ZNF33B: variants seen among roughly 807,000 people sequenced by gnomAD.
The protein encoded by ZNF33B is zinc finger protein 11b (KOX 2).
Under a neutral mutation model 45.8 loss-of-function variants are expected in ZNF33B, and 29 were observed. The ratio of observed to expected loss-of-function variants is 0.63; its 90% CI spans 0.47 to 0.86. ZNF33B has a LOEUF of 0.86. ZNF33B is among the 40% of genes least tolerant of loss of function. The pLI is 0.00. For synonymous variants in ZNF33B, 305 were observed against 307.8 expected (o/e 0.99, Z 0.10); for missense variants, 831 against 909.9 (o/e 0.91, Z 1.12).
At chr10:42,575,855 C>A (rs1443931412) in intron 1 of ZNF33B, among the ~76,000 whole-genome samples, 5 of 151,164 alleles carry the variant, frequency 3.3e-5, no homozygotes, top group East Asian at 2.0e-4. Flanking sequence ...TCAGCCTCCC[C>A]AGTAGCTGGG....
chr10:42,593,871 T>C lies in ZNF33B; in HGVS notation c.1079A>G (p.Asn360Ser), dbSNP rs755196033. The change falls in exon 5 of 5, where the codon AAT becomes AGT. Residue 360 changes from asparagine (N) to serine (S), a missense_variant. By Grantham distance (46) the Asn-to-Ser change is conservative. Transcript: ENST00000359467. ...CTCCCAGAAAGTTTTTCCACATTGA[T>C]TACATTGAAAGTGTTTCTCTCCTGT... ...VHTGEKHFQC[N>S]QCGKTFWEKS... 2 of 1,614,074 alleles carry C rather than the reference T, an allele frequency of 1.2e-6. No homozygotes were observed. Among genetic ancestry groups the C allele is most frequent in the South Asian group, 2.2e-5 (2 of 91,078 alleles).
intron 1 of ZNF33B, among the ~76,000 whole-genome samples, chr10:42,575,681 G>A (rs1459254506): frequency 6.7e-6 from 1 of 149,360 alleles, no homozygotes; most frequent in Non-Finnish European, 1.5e-5. Flanking sequence ...TGGTCGTGAA[G>A]ACATTATAAG....
At chr10:42,635,759 G>A (rs181248854) in intron 2 of ZNF33B, among the ~76,000 whole-genome samples, 88 of 147,296 alleles carry the variant, frequency 6.0e-4, no homozygotes, top group African/African-American at 1.6e-3. Context: ...GCAGTGAGCC[G>A]AGATTGCATC....
intron 2 of ZNF33B, 50 bp from the exon 3 acceptor site, chr10:42,632,489 CT>C (rs776215620): frequency 1.3e-6 from 2 of 1,575,760 alleles, no homozygotes; most frequent in Non-Finnish European, 1.7e-6. Context: ...TGGGCTAATC[CT>C]TACCATGATT....
intron 4 of ZNF33B, among the ~76,000 whole-genome samples, chr10:42,618,884 C>T (rs1432410008): frequency 6.6e-6 from 1 of 152,056 alleles, no homozygotes; most frequent in African/African-American, 2.4e-5. Context: ...ACTGGCTCTT[C>T]CTCAAATTAC....
At chr10:42,600,477 C>G (rs73266617) in intron 4 of ZNF33B, among the ~76,000 whole-genome samples, 3,077 of 152,242 alleles carry the variant, frequency 0.02, 77 homozygotes, top group African/African-American at 0.062. Flanking sequence ...CTTCATCTGG[C>G]TGTCACAGCA....
chr10:42,598,739 A>G (rs1205904002), intron 4 of ZNF33B, among the ~76,000 whole-genome samples: 1 of 152,208 alleles, frequency 6.6e-6, no homozygotes, highest in African/African-American at 2.4e-5. Context: ...CCTGCCAGGG[A>G]TTAACCACAC....
At chr10:42,586,075 C>T (rs1050363972), downstream of ZNF33B, among the ~76,000 whole-genome samples, 4 of 151,972 alleles carry the variant, frequency 2.6e-5, no homozygotes, top group South Asian at 2.1e-4. Context: ...TTTTGCTTTA[C>T]GGTTTCTCTA....
intron 1 of ZNF33B, among the ~76,000 whole-genome samples, chr10:42,637,782 A>G (rs1216079555): frequency 6.6e-6 from 1 of 151,992 alleles, no homozygotes; most frequent in Non-Finnish European, 1.5e-5. Context: ...CTGCCTCAGT[A>G]GCTGGGATTA....
chr10:42,595,134 G>A (rs1162253882), intron 4 of ZNF33B, among the ~76,000 whole-genome samples: 4 of 152,140 alleles, frequency 2.6e-5, no homozygotes, highest in African/African-American at 9.7e-5. Flanking sequence ...CTATGCAATA[G>A]ATATTCAAAT....
intron 4 of ZNF33B, among the ~76,000 whole-genome samples, chr10:42,619,336 G>A (rs1412305578): frequency 6.6e-6 from 1 of 152,114 alleles, no homozygotes; most frequent in African/African-American, 2.4e-5. Flanking sequence ...GAAGACAGAT[G>A]GATGACATAT....
At chr10:42,597,679 C>T (rs191855287) in intron 4 of ZNF33B, among the ~76,000 whole-genome samples, 4 of 152,158 alleles carry the variant, frequency 2.6e-5, no homozygotes, top group African/African-American at 9.6e-5. Flanking sequence ...GTTCTTTATA[C>T]ATTGTGACAA....
chr10:42,599,715 A>G (rs992337512), intron 4 of ZNF33B, among the ~76,000 whole-genome samples: 1 of 152,052 alleles, frequency 6.6e-6, no homozygotes, highest in Non-Finnish European at 1.5e-5. Context: ...CAAATCAATG[A>G]CCTCAGGTGC....
At chr10:42,602,034 TCAGCCTCCC>T (rs1837650832) in intron 4 of ZNF33B, among the ~76,000 whole-genome samples, 2 of 145,232 alleles carry the variant, frequency 1.4e-5, no homozygotes, top group Non-Finnish European at 3.0e-5. Flanking sequence ...TCCTCCCACC[TCAGCCTCCC>T]AAGTAGCTAG....
chr10:42,575,352 T>A (rs1430665635), intron 1 of ZNF33B, among the ~76,000 whole-genome samples: 2 of 151,894 alleles, frequency 1.3e-5, no homozygotes, highest in East Asian at 3.9e-4. Context: ...AGGAAAGAAA[T>A]GAGAAACCAC....
At chr10:42,587,670 G>A (rs1333217178), downstream of ZNF33B, among the ~76,000 whole-genome samples, 8 of 152,182 alleles carry the variant, frequency 5.3e-5, no homozygotes, top group African/African-American at 7.2e-5. Context: ...ATCAGGCCCC[G>A]TGATTCCAAA....
intron 4 of ZNF33B, among the ~76,000 whole-genome samples, chr10:42,600,091 T>C (rs565396475): frequency 1.3e-5 from 2 of 152,248 alleles, no homozygotes; most frequent in Admixed American, 1.3e-4. Context: ...TATTAAGATT[T>C]GCTTTACAAT....
At chr10:42,635,467 T>C (rs1839250390) in intron 2 of ZNF33B, among the ~76,000 whole-genome samples, 1 of 152,130 alleles carries the variant, frequency 6.6e-6, no homozygotes, top group African/African-American at 2.4e-5. Context: ...TTTGTAATAA[T>C]TCATTAAGTT....
At chr10:42,611,831 A>G (rs1185481650) in intron 4 of ZNF33B, among the ~76,000 whole-genome samples, 3 of 152,228 alleles carry the variant, frequency 2.0e-5, no homozygotes, top group Admixed American at 6.5e-5. Flanking sequence ...ACTTGGCTAT[A>G]AAGACTTAAC....
Sources: gnomAD v4.1 joint callset for allele counts (sites outside exome capture counted in the v4.1 genomes callset) on GRCh38, gnomAD v4.1.1 for gene constraint, MANE v1.5 for transcripts, NCBI Gene and HGNC (gene_info 2026-07-23, HGNC 2026-07-21) for gene names.